PRSS22: variants seen among roughly 807,000 people sequenced by gnomAD.
PRSS22 encodes the protein brain-specific serine protease 4.
A neutral mutation model predicts 28.0 loss-of-function variants in PRSS22; 26 were observed. The observed-to-expected ratio is 0.93, with a 90% CI of 0.68 to 1.29. The LOEUF (loss-of-function observed/expected upper bound fraction) is 1.29, where lower values mean the gene tolerates loss of function less well. PRSS22 is among the 50% of genes most tolerant of loss of function. The pLI, the probability that PRSS22 is intolerant of heterozygous loss-of-function variation, is 0.00. For synonymous variants in PRSS22, 217 were observed against 177.9 expected (o/e 1.22, Z -1.75); for missense variants, 444 against 422.1 (o/e 1.05, Z -0.46).
At position 2,853,732 on chromosome 16, in the gene PRSS22, C is replaced by A; in HGVS notation, c.717+133G>T. 1.0e-6 allele frequency: 1 copy of A among 993,168 alleles called. No homozygotes were observed. The allele number at this position is 993,168 out of a possible 1,614,324, so 61.5% of individuals were successfully genotyped here. A position where few individuals can be genotyped will look rare whatever the true frequency, so the allele number is the denominator to read the frequency against. Reference sequence around the variant, plus strand: ...AGGCTGAGGCTGGTTCTATGGGGACCCGGGACTGTCAGGCACAGCCAGTTC... The same window carrying A: ...AGGCTGAGGCTGGTTCTATGGGGACACGGGACTGTCAGGCACAGCCAGTTC... On this transcript the variant is annotated intron_variant, in intron 5 of 5. Coordinates refer to ENST00000161006, the MANE Select transcript of PRSS22 (RefSeq NM_022119.4). This position sits in a 1 kb window ranked among gnomAD's most constrained non-coding sequence, Gnocchi z 4.6.
chr16:2,858,116 C>T lies in PRSS22; in HGVS notation c.-12G>A. On this transcript the variant is annotated 5_prime_UTR_variant, in exon 1 of 6. Coordinates refer to ENST00000161006, the MANE Select transcript of PRSS22 (RefSeq NM_022119.4). ...CCAGAAACCACCATGGCTGGTGGGG[C>T]GGGGGAGCAGGCAGCAGGCTCGAGA... The T allele has an allele frequency of 1.6e-6, 2 of 1,257,936 alleles. No homozygotes were observed. The highest frequency in any genetic ancestry group is 7.1e-5 in the South Asian group (2 of 28,222). The allele number at this position is 1,257,936 out of a possible 1,614,324, so 77.9% of individuals were successfully genotyped here. A position where few individuals can be genotyped will look rare whatever the true frequency, so the allele number is the denominator to read the frequency against.
intron 4 of PRSS22, among the ~76,000 whole-genome samples, chr16:2,855,347 CAAAAAAA>C (rs33950878): frequency 4.3e-5 from 3 of 69,044 alleles, no homozygotes; most frequent in East Asian, 5.3e-4. Flanking sequence ...CACCCTGTCT[CAAAAAAA>C]AAAAAAAAAA....
At chr16:2,856,736 T>A in intron 2 of PRSS22, 86 bp downstream of exon 2, 1 of 1,474,892 alleles carries the variant, frequency 6.8e-7, no homozygotes, top group Non-Finnish European at 9.3e-7. Flanking sequence ...CTTTCTGACC[T>A]GTGCCCAGGG....
At chr16:2,857,666 C>G (rs978155868) in intron 1 of PRSS22, 1 of 84,774 alleles carries the variant, frequency 1.2e-5, no homozygotes, top group Non-Finnish European at 2.4e-5. Flanking sequence ...ACGCTGCTGC[C>G]GCTGGTGTGC....
At position 2,855,653 on chromosome 16, in the gene PRSS22, G is replaced by C; in HGVS notation, c.480C>G (p.Ile160Met). 2 of 1,614,216 alleles carry C rather than the reference G, an allele frequency of 1.2e-6. No individual in the cohort carries two copies. Among genetic ancestry groups the C allele is most frequent in the Non-Finnish European group, 1.7e-6 (2 of 1,180,042 alleles). The change falls in exon 4 of 6, where the codon ATC (isoleucine) becomes ATG (methionine). Residue 160 changes from isoleucine to methionine, a missense_variant. Transcript: ENST00000161006. ...GGTGGATAGAGGCATCAGGTAGGCAGATGGGCAGGACCCGCTCTGAGAACT... is the reference window on the plus strand; with the variant it reads ...GGTGGATAGAGGCATCAGGTAGGCACATGGGCAGGACCCGCTCTGAGAACT... ...SIQFSERVLPICLPDASIHLP... is the reference protein window; with the variant it reads ...SIQFSERVLPMCLPDASIHLP...
chr16:2,856,833 G>T lies in PRSS22; in HGVS notation c.98C>A (p.Ala33Asp). The change falls in exon 2 of 6, where the codon GCC becomes GAC. Residue 33 changes from alanine (A) to aspartate (D), a missense_variant. By Grantham distance (126) the Ala-to-Asp change is moderately radical. Transcript: ENST00000161006. The part of the protein sequence containing the change: ...LLASTAILNA[A>D]RIPVPPACGK... ...CCAGCTCCACTCACCAGGTATCCTG[G>T]CCGCATTGAGGATGGCTGAGGGCAA... 1 of 1,551,912 alleles carries T rather than the reference G, an allele frequency of 6.4e-7. No individual in the cohort carries two copies. The highest frequency in any genetic ancestry group is 8.7e-7 in the Non-Finnish European group (1 of 1,147,092).
chr16:2,855,981 G>T, intron 3 of PRSS22, 101 bp downstream of exon 3: 1 of 1,520,336 alleles, frequency 6.6e-7, no homozygotes, highest in South Asian at 1.2e-5. Context: ...CACCAAGATT[G>T]AACAGAGGCC....
intron 4 of PRSS22, among the ~76,000 whole-genome samples, chr16:2,854,685 T>C (rs1462154951): frequency 6.6e-6 from 1 of 152,220 alleles, no homozygotes; most frequent in Non-Finnish European, 1.5e-5. Flanking sequence ...ATGTTTCTTT[T>C]CCTTGGCCCA....
rs753232254 is a variant in PRSS22 at position 2,856,305 on chromosome 16, C to T, written c.110-52G>A. 307 of 1,590,356 alleles carry T rather than the reference C, an allele frequency of 1.9e-4. 1 individual carries two copies. In the Middle Eastern group the frequency reaches 2.0e-3, roughly 10 times the overall value. On this transcript the variant is annotated intron_variant, in intron 2 of 5. Coordinates refer to ENST00000161006, the MANE Select transcript of PRSS22 (RefSeq NM_022119.4). ...TCTCCAACTTCCTACAACCCACCCC[C>T]GGAATCCCAATCCCTAGGCCTGCAC...
chr16:2,854,631 A>T (rs755782745), intron 4 of PRSS22, among the ~76,000 whole-genome samples: 1 of 151,946 alleles, frequency 6.6e-6, no homozygotes, highest in South Asian at 2.1e-4. Flanking sequence ...CTCTCTTTCA[A>T]ACTCTTTCTT....
intron 1 of PRSS22, chr16:2,857,211 GC>G (rs2069467716): frequency 3.4e-6 from 1 of 290,292 alleles, no homozygotes; most frequent in East Asian, 6.0e-5. Flanking sequence ...AGTGAGGAGG[GC>G]TCCCCAGCGC....
chr16:2,856,216 C>T lies in PRSS22; in HGVS notation c.147G>A (p.Arg49=), dbSNP rs999479171. 8.1e-6 allele frequency: 13 copies of T among 1,613,708 alleles called. No homozygotes were observed. The highest frequency in any genetic ancestry group is 1.0e-5 in the Non-Finnish European group (12 of 1,179,930). ...PACGKPQQLN[R]VVGGEDSTDS... is the part of the protein sequence containing the mutation. Reference sequence around the variant, plus strand: ...CAGTGCTGTCCTCGCCGCCCACAACCCGGTTCAGCTGCTGGGGCTTCCCAC... The same window carrying T: ...CAGTGCTGTCCTCGCCGCCCACAACTCGGTTCAGCTGCTGGGGCTTCCCAC... The change falls in exon 3 of 6, where the codon CGG becomes CGA. Residue 49 remains arginine (R), a synonymous_variant. Transcript: ENST00000161006.
At position 2,853,356 on chromosome 16, in the gene PRSS22, C is replaced by A; in HGVS notation, c.718-27G>T. 3 of 1,566,946 alleles carry A rather than the reference C, an allele frequency of 1.9e-6. No individual in the cohort carries two copies. Among genetic ancestry groups the A allele is most frequent in the Non-Finnish European group, 2.6e-6 (3 of 1,158,748 alleles). On this transcript the variant is annotated intron_variant, in intron 5 of 5. Coordinates refer to ENST00000161006, the MANE Select transcript of PRSS22 (RefSeq NM_022119.4). This position sits in a 1 kb window ranked among gnomAD's most constrained non-coding sequence, Gnocchi z 4.6. ...TGCAGAGAGGAGGCGAGGTTAGGAACCCCCGTGGCACAGGGGGTGGCAGAA... is the reference window on the plus strand; with the variant it reads ...TGCAGAGAGGAGGCGAGGTTAGGAAACCCCGTGGCACAGGGGGTGGCAGAA...
At chr16:2,855,989 G>T in intron 3 of PRSS22, 93 bp downstream of exon 3, 1 of 1,528,286 alleles carries the variant, frequency 6.5e-7, no homozygotes, top group African/African-American at 1.4e-5. Flanking sequence ...TTGAACAGAG[G>T]CCCGGAAGCA....
intron 1 of PRSS22, 174 bp from the exon 2 acceptor site, chr16:2,857,022 G>T: frequency 4.1e-6 from 3 of 729,496 alleles, no homozygotes; most frequent in Non-Finnish European, 7.0e-6. Context: ...CGCCCAGTGA[G>T]GAGGGGTCCC....
chr16:2,857,737 C>A (rs899237243), intron 1 of PRSS22: 3 of 314,200 alleles, frequency 9.5e-6, no homozygotes, highest in Non-Finnish European at 1.7e-5. Context: ...AGGCAAGCAG[C>A]GGAGGACGAG....
chr16:2,855,641 A>C lies in PRSS22; in HGVS notation c.492T>G (p.Asp164Glu). Residue 164 changes from aspartate to glutamate, a missense_variant, in exon 4 of 6, where the codon GAT becomes GAG. Transcript: ENST00000161006. ...TGTTTGGAGGGAGGTGGATAGAGGC[A>C]TCAGGTAGGCAGATGGGCAGGACCC... ...SERVLPICLP[D>E]ASIHLPPNTH... 6.2e-7 allele frequency: 1 copy of C among 1,614,180 alleles called. No individual in the cohort carries two copies. Among genetic ancestry groups the C allele is most frequent in the Non-Finnish European group, 8.5e-7 (1 of 1,180,026 alleles).
chr16:2,853,410 G>C lies in PRSS22; in HGVS notation c.718-81C>G. On this transcript the variant is annotated intron_variant, in intron 5 of 5. Coordinates refer to ENST00000161006, the MANE Select transcript of PRSS22 (RefSeq NM_022119.4). The surrounding 1 kb of genome is among the most constrained non-coding windows in gnomAD (Gnocchi z 4.6). ...AGGGCCCGTGCCCTGTCAGGGGGCA[G>C]ATGAGCCCCTTCCCGGGAGCCCGTT... 1 of 1,160,422 alleles carries C rather than the reference G, an allele frequency of 8.6e-7. No individual in the cohort carries two copies. The allele number at this position is 1,160,422 out of a possible 1,614,324, so 71.9% of individuals were successfully genotyped here. A position where few individuals can be genotyped will look rare whatever the true frequency, so the allele number is the denominator to read the frequency against.
Position 2,855,911 on chromosome 16 carries a change from G to A in PRSS22, c.282-60C>T, listed in dbSNP as rs954634067. The A allele has an allele frequency of 3.2e-6, 5 of 1,565,348 alleles. No homozygotes were observed. The East Asian group carries it at 9.1e-5, about 28-fold the overall frequency. On this transcript the variant is annotated intron_variant, in intron 3 of 5. Coordinates refer to ENST00000161006, the MANE Select transcript of PRSS22 (RefSeq NM_022119.4). ...CTGGTCTGGGAGGAGGTACCTGGGGGAACAGCATGGGTGTGAAGGCCCCTG... is the reference window on the plus strand; with the variant it reads ...CTGGTCTGGGAGGAGGTACCTGGGGAAACAGCATGGGTGTGAAGGCCCCTG...
Sources: allele counts gnomAD v4.1 joint callset (sites outside exome capture counted in the v4.1 genomes callset), GRCh38; gene constraint gnomAD v4.1.1; non-coding constraint Gnocchi (gnomAD v3.1); transcripts MANE v1.5; gene names NCBI Gene and HGNC (gene_info 2026-07-23, HGNC 2026-07-21).